TRIM21: variants seen among roughly 807,000 people sequenced by gnomAD.
The protein encoded by TRIM21 is E3 ubiquitin-protein ligase TRIM21.
In TRIM21, 35 loss-of-function variants were observed where a neutral mutation model predicts 36.1. That is an observed-to-expected ratio of 0.97 (90% CI 0.74 to 1.28). The LOEUF (loss-of-function observed/expected upper bound fraction) is 1.28, where lower values mean the gene tolerates loss of function less well. Among genes scored for constraint, TRIM21 ranks in the 50% most tolerant of loss-of-function variants. The pLI, the probability that TRIM21 is intolerant of heterozygous loss-of-function variation, is 0.00. For missense variants in TRIM21, 635 were observed against 570.7 expected (o/e 1.11, Z -1.15); for synonymous variants, 256 against 211.5 (o/e 1.21, Z -1.83).
At chr11:4,386,051 C>G in intron 6 of TRIM21, 106 bp downstream of exon 6, 6 of 1,193,342 alleles carry the variant, frequency 5.0e-6, no homozygotes, top group Non-Finnish European at 6.1e-6. Context: ...TCTCTGTTCC[C>G]CCTGCTCTGA....
intron 1 of TRIM21, 79 bp from the exon 2 acceptor site, chr11:4,390,537 C>T (rs147379347): frequency 2.4e-6 from 2 of 845,490 alleles, no homozygotes; most frequent in South Asian, 4.6e-5. Context: ...TAATCCCTAT[C>T]AAAATACCAA....
chr11:4,392,756 AG>A (rs1267808031), intron 1 of TRIM21, among the ~76,000 whole-genome samples: 1 of 152,156 alleles, frequency 6.6e-6, no homozygotes, highest in African/African-American at 2.4e-5. Context: ...TCCCTAAAAG[AG>A]GGAATGAAAA....
At chr11:4,389,813 G>T in intron 2 of TRIM21, 64 bp from the exon 3 acceptor site, 2 of 1,544,656 alleles carry the variant, frequency 1.3e-6, no homozygotes, top group Non-Finnish European at 1.8e-6. Context: ...GGTAATCCTT[G>T]CAGCATTTTC....
In TRIM21 at chr11:4,385,245, C is replaced by T. The variant is rs201359489; in HGVS notation, c.*40G>A. 7.7e-3 allele frequency: 11,985 copies of T among 1,552,816 alleles called. 64 individuals are homozygous for T. Among genetic ancestry groups the T allele is most frequent in the Non-Finnish European group, 9.2e-3 (10,526 of 1,145,610 alleles). ...AGAGGCAGGGTTTGTGGCTGAGAAG[C>T]GGTGCCAATGGGGAGAGTGGCAGTG... is the stretch of plus-strand genomic sequence containing the variant. On this transcript the variant is annotated 3_prime_UTR_variant, in exon 7 of 7. Transcript: ENST00000254436.
chr11:4,389,571 G>T, intron 3 of TRIM21, 83 bp downstream of exon 3: 2 of 1,182,494 alleles, frequency 1.7e-6, no homozygotes, highest in Non-Finnish European at 1.3e-6. Context: ...GAGAGGCACA[G>T]CTACGGTTAA....
chr11:4,392,545 T>C (rs2250241), intron 1 of TRIM21, among the ~76,000 whole-genome samples: 94,207 of 151,922 alleles, frequency 0.62, 29,501 homozygotes, highest in East Asian at 0.86. Context: ...CCAGCCTGGG[T>C]GACACGGCGA....
intron 1 of TRIM21, among the ~76,000 whole-genome samples, chr11:4,392,921 G>A (rs747997567): frequency 5.9e-5 from 9 of 152,112 alleles, no homozygotes; most frequent in Non-Finnish European, 1.2e-4. Context: ...CCTTCCATGT[G>A]CCAGAGATAC....
intron 1 of TRIM21, 64 bp from the exon 2 acceptor site, chr11:4,390,522 C>T (rs2094961860): frequency 9.8e-7 from 1 of 1,018,376 alleles, no homozygotes; most frequent in African/African-American, 1.6e-5. Context: ...AACAAAAAGT[C>T]AACATAATCC....
chr11:4,386,239 C>T lies in TRIM21; in HGVS notation c.777G>A (p.Leu259=). 1 of 1,613,914 alleles carries T rather than the reference C, an allele frequency of 6.2e-7. No homozygotes were observed. The highest frequency in any genetic ancestry group is 1.3e-5 in the African/African-American group (1 of 75,038). ...IVLERSESWN[L]KDLDITSPEL... is the part of the protein sequence containing the mutation. ...CTGGAGAGGTAATATCCAGGTCCTT[C>T]AGGTTCCAGGACTCACTCCTGGGGG... Residue 259 remains leucine (L), a synonymous_variant, in exon 6 of 7, where the codon CTG becomes CTA. Transcript: ENST00000254436.
intron 5 of TRIM21, 83 bp downstream of exon 5, chr11:4,386,885 T>A: frequency 3.5e-6 from 5 of 1,423,894 alleles, no homozygotes; most frequent in Non-Finnish European, 4.8e-6. Flanking sequence ...CTTCAGTGCA[T>A]GTACTTCTAA....
Position 4,386,269 on chromosome 11 carries a change from A to G in TRIM21, c.759-12T>C, listed in dbSNP as rs778585874. 7.8e-5 allele frequency: 126 copies of G among 1,607,892 alleles called. No homozygotes were observed. The highest frequency in any genetic ancestry group is 5.3e-4 in the Admixed American group (32 of 59,952). ...TCCAGGACTCACTCCTGGGGGAAAG[A>G]GAGTTTGAGACTCCTGTCTCCTACT... is the stretch of plus-strand genomic sequence containing the variant. On this transcript the variant is annotated splice_polypyrimidine_tract_variant and intron_variant, in intron 5 of 6. Transcript: ENST00000254436.
chr11:4,389,943 T>C, intron 2 of TRIM21, 59 bp downstream of exon 2: 1 of 1,583,056 alleles, frequency 6.3e-7, no homozygotes, highest in Non-Finnish European at 8.6e-7. Context: ...CCAGAGGTGG[T>C]CCTCTCCCAT....
chr11:4,391,847 T>TAGAAGCATTTGTAGAAG (rs2094963349), intron 1 of TRIM21, among the ~76,000 whole-genome samples: 1 of 152,162 alleles, frequency 6.6e-6, no homozygotes, highest in Non-Finnish European at 1.5e-5. Flanking sequence ...CATTGTATGG[T>TAGAAGCATTTGTAGAAG]CTCACTCATT....
chr11:4,388,532 T>C lies in TRIM21; in HGVS notation c.505-2A>G. The C allele has an allele frequency of 6.2e-7, 1 of 1,606,264 alleles. No individual in the cohort carries two copies. The highest frequency in any genetic ancestry group is 2.2e-5 in the East Asian group (1 of 44,884). ...AGATTTCTGTGTTTCCACTGTTTTC[T>C]TTAGTGTCAAGGGAAAGGGAGAGGT... On this transcript the variant is annotated splice_acceptor_variant, in intron 3 of 6. Transcript: ENST00000254436. LOFTEE classifies it high-confidence loss of function.
At chr11:4,387,707 T>G (rs569554501) in intron 4 of TRIM21, among the ~76,000 whole-genome samples, 2 of 152,136 alleles carry the variant, frequency 1.3e-5, no homozygotes, top group South Asian at 4.2e-4. Context: ...GATGCAAAAT[T>G]AGCCAGGTGT....
At chr11:4,392,603 T>C (rs536750627) in intron 1 of TRIM21, among the ~76,000 whole-genome samples, 30 of 121,538 alleles carry the variant, frequency 2.5e-4, no homozygotes, top group African/African-American at 8.7e-4. Context: ...ATAAAATTAA[T>C]GGCAAAACAA....
chr11:4,385,369 A>G lies in TRIM21; in HGVS notation c.1344T>C (p.Pro448=), dbSNP rs763993078. Residue 448 remains proline, a synonymous_variant, in exon 7 of 7, where the codon CCT becomes CCC. Coordinates refer to ENST00000254436, the MANE Select transcript of TRIM21 (RefSeq NM_003141.4). ...FTGPLRPFFS[P]GFNDGGKNTA... ...TGTTTTTTCCTCCATCATTGAAACC[A>G]GGACTGAAGAAGGGCCGCAGAGGTC... 3 of 1,613,856 alleles carry G rather than the reference A, an allele frequency of 1.9e-6. No homozygotes were observed. The Admixed American group carries it at 5.0e-5, about 27-fold the overall frequency.
chr11:4,389,814 CA>C, intron 2 of TRIM21, 65 bp from the exon 3 acceptor site: 1 of 1,541,526 alleles, frequency 6.5e-7, no homozygotes, highest in Non-Finnish European at 9.0e-7. Context: ...GTAATCCTTG[CA>C]GCATTTTCTC....
rs766961981 is a variant in TRIM21 at position 4,385,863 on chromosome 11, G to C, written c.860-10C>G. The C allele has an allele frequency of 6.3e-7, 1 of 1,596,644 alleles. No homozygotes were observed. The highest frequency in any genetic ancestry group is 8.5e-7 in the Non-Finnish European group (1 of 1,170,774). The stretch of plus-strand genomic sequence containing the variant: ...TCCAGAGTGATGTGGACTGCAGAGA[G>C]AGGACCACAGTCAGGCCTTGCATGG... On this transcript the variant is annotated splice_polypyrimidine_tract_variant and intron_variant, in intron 6 of 6. Transcript: ENST00000254436.
Sources: allele counts gnomAD v4.1 joint callset (sites outside exome capture counted in the v4.1 genomes callset), GRCh38; gene constraint gnomAD v4.1.1; transcripts MANE v1.5; gene names NCBI Gene and HGNC (gene_info 2026-07-23, HGNC 2026-07-21).